SLC25A13: variants seen among roughly 807,000 people sequenced by gnomAD.
SLC25A13 encodes electrogenic aspartate/glutamate antiporter SLC25A13, mitochondrial.
SLC25A13 carries 70 observed loss-of-function variants against 85.5 expected under a neutral mutation model. That is an observed-to-expected ratio of 0.82 (90% CI 0.68 to 1.00). SLC25A13 has a LOEUF of 1.00. Ranked by LOEUF, SLC25A13 falls within the 50% of genes least tolerant of loss-of-function variation. The pLI, the probability that SLC25A13 is intolerant of heterozygous loss-of-function variation, is 0.00. For synonymous variants in SLC25A13, 259 were observed against 288.7 expected, an observed-to-expected ratio of 0.90 and a Z score of 1.04; for missense variants, 765 against 819.8, an observed-to-expected ratio of 0.93 and a Z score of 0.82.
At chr7:96,131,679 T>C in intron 15 of SLC25A13, 64 bp downstream of exon 15, 1 of 1,609,284 alleles carries the variant, frequency 6.2e-7, no homozygotes, top group South Asian at 1.1e-5. Flanking sequence ...TGTAGTAGCA[T>C]GCAGCTAGGG....
At chr7:96,218,579 G>A (rs1361242306) in intron 4 of SLC25A13, among the ~76,000 whole-genome samples, 1 of 152,012 alleles carries the variant, frequency 6.6e-6, no homozygotes, top group East Asian at 1.9e-4. Context: ...CTAAATTAAT[G>A]CATTTTAATT....
intron 17 of SLC25A13, 50 bp downstream of exon 17, chr7:96,121,605 G>A: frequency 1.9e-6 from 3 of 1,557,880 alleles, no homozygotes; most frequent in Non-Finnish European, 2.7e-6. Flanking sequence ...TACGACAACA[G>A]AGCATTAGCA....
intron 3 of SLC25A13, among the ~76,000 whole-genome samples, chr7:96,270,419 G>A (rs868359641): frequency 2.0e-5 from 3 of 152,050 alleles, no homozygotes; most frequent in Non-Finnish European, 4.4e-5. Flanking sequence ...AGTAGGGCAC[G>A]GTGGCGGACC....
intron 2 of SLC25A13, among the ~76,000 whole-genome samples, chr7:96,289,001 GC>G (rs1166620242): frequency 2.6e-5 from 4 of 152,082 alleles, no homozygotes; most frequent in African/African-American, 4.8e-5. Context: ...ACTGGGAGGC[GC>G]CCCCCAGTAG....
chr7:96,232,005 A>G (rs1023628129), intron 4 of SLC25A13, among the ~76,000 whole-genome samples: 1 of 152,214 alleles, frequency 6.6e-6, no homozygotes, highest in African/African-American at 2.4e-5. Flanking sequence ...AATTAGTTCA[A>G]CCACTGTGGA....
intron 3 of SLC25A13, among the ~76,000 whole-genome samples, chr7:96,239,688 T>C (rs2116831104): frequency 6.6e-6 from 1 of 152,246 alleles, no homozygotes; most frequent in East Asian, 1.9e-4. Context: ...AATGTACAAG[T>C]CACATTTCCA....
At chr7:96,241,102 GA>G (rs1207886739) in intron 3 of SLC25A13, among the ~76,000 whole-genome samples, 37 of 139,032 alleles carry the variant, frequency 2.7e-4, no homozygotes, top group African/African-American at 8.8e-4. Flanking sequence ...AAGAAAGAAA[GA>G]AAGGCACTTT....
chr7:96,214,977 C>T (rs1795833969), intron 4 of SLC25A13, among the ~76,000 whole-genome samples: 1 of 152,190 alleles, frequency 6.6e-6, no homozygotes, highest in East Asian at 1.9e-4. Flanking sequence ...GCAATACTCC[C>T]TAAAATGATC....
intron 14 of SLC25A13, among the ~76,000 whole-genome samples, chr7:96,140,406 T>C (rs1208902075): frequency 7.3e-6 from 1 of 137,546 alleles, no homozygotes; most frequent in East Asian, 2.1e-4. Context: ...CCTTTTTTTT[T>C]TTTTTTTTTT....
chr7:96,146,507 G>C, intron 14 of SLC25A13, 49 bp downstream of exon 14: 10 of 1,592,230 alleles, frequency 6.3e-6, no homozygotes, highest in Non-Finnish European at 8.6e-6. Flanking sequence ...TTCTGCATTA[G>C]GAGATGAGAA....
At chr7:96,177,708 T>A (rs781136737) in intron 11 of SLC25A13, among the ~76,000 whole-genome samples, 5 of 152,176 alleles carry the variant, frequency 3.3e-5, no homozygotes, top group Non-Finnish European at 5.9e-5. Flanking sequence ...TTGTTGTTGA[T>A]CTTCATCATC....
chr7:96,203,915 C>T (rs752545546), intron 5 of SLC25A13, among the ~76,000 whole-genome samples: 1 of 152,144 alleles, frequency 6.6e-6, no homozygotes, highest in Non-Finnish European at 1.5e-5. Context: ...CTTCTAGGAA[C>T]AGAAAATAGC....
At chr7:96,171,750 T>C (rs1412491959) in intron 11 of SLC25A13, among the ~76,000 whole-genome samples, 4 of 152,190 alleles carry the variant, frequency 2.6e-5, no homozygotes, top group Non-Finnish European at 4.4e-5. Flanking sequence ...CGTTTGCACA[T>C]TGGGTAAATC....
intron 3 of SLC25A13, among the ~76,000 whole-genome samples, chr7:96,265,363 A>G (rs922264217): frequency 6.6e-6 from 1 of 152,208 alleles, no homozygotes; most frequent in African/African-American, 2.4e-5. Context: ...ATGACATCAG[A>G]AAGTCTTTAA....
At chr7:96,174,807 C>T (rs1395652164) in intron 11 of SLC25A13, among the ~76,000 whole-genome samples, 1 of 152,150 alleles carries the variant, frequency 6.6e-6, no homozygotes, top group Non-Finnish European at 1.5e-5. Context: ...ATCCTTCTCA[C>T]CATAAATTTA....
At chr7:96,228,206 A>G (rs1796390627) in intron 4 of SLC25A13, among the ~76,000 whole-genome samples, 1 of 152,210 alleles carries the variant, frequency 6.6e-6, no homozygotes, top group South Asian at 2.1e-4. Flanking sequence ...TCCACAAAAG[A>G]AAATGCTGAT....
At chr7:96,207,974 T>TC (rs1365602241) in intron 5 of SLC25A13, among the ~76,000 whole-genome samples, 1 of 151,118 alleles carries the variant, frequency 6.6e-6, no homozygotes, top group Admixed American at 6.6e-5. Context: ...TACCCAGGCT[T>TC]CCCCCCTGCC....
rs1301091522 is a variant in SLC25A13, at chr7:96,277,270, G to A, written c.138C>T (p.Asn46=). The A allele has an allele frequency of 1.2e-6, 2 of 1,612,408 alleles. No homozygotes were observed. Among genetic ancestry groups the A allele is most frequent in the Non-Finnish European group, 1.7e-6 (2 of 1,179,308 alleles). The part of the protein sequence containing the change: ...SPNDFVTRYL[N]IFGESQPNPK... The stretch of plus-strand genomic sequence containing the variant: ...GATTAGGCTGGCTTTCTCCAAAAAT[G>A]TTCAAGTATCGAGTGACAAAGTCAT... Residue 46 remains asparagine, a synonymous_variant, in exon 3 of 18, where the codon AAC becomes AAT. Coordinates refer to ENST00000265631, the MANE Select transcript of SLC25A13 (RefSeq NM_014251.3).
chr7:96,185,453 G>T (rs953848734), intron 9 of SLC25A13, among the ~76,000 whole-genome samples: 6 of 151,892 alleles, frequency 4.0e-5, no homozygotes, highest in Non-Finnish European at 5.9e-5. Context: ...ACAAAAATTA[G>T]ACCAGCATGG....
Sources: gnomAD v4.1 joint callset for allele counts (sites outside exome capture counted in the v4.1 genomes callset) on GRCh38, gnomAD v4.1.1 for gene constraint, MANE v1.5 for transcripts, NCBI Gene and HGNC (gene_info 2026-07-23, HGNC 2026-07-21) for gene names.